KIAA0753: variants seen among roughly 807,000 people sequenced by gnomAD.
KIAA0753 encodes protein moonraker.
A neutral mutation model predicts 116.9 loss-of-function variants in KIAA0753; 114 were observed. The ratio of observed to expected loss-of-function variants is 0.98; its 90% CI spans 0.84 to 1.14. KIAA0753 has a LOEUF of 1.14. KIAA0753 is among the 50% of genes most tolerant of loss of function. The probability of loss-of-function intolerance (pLI) is 0.00; values close to 1 mark genes in which losing one functional copy is unlikely to be tolerated. For missense variants in KIAA0753, 1,156 were observed against 1,172.4 expected (o/e 0.99, Z 0.20); for synonymous variants, 405 against 413.1 (o/e 0.98, Z 0.24).
chr17:6,597,420 C>T (rs765386864), intron 14 of KIAA0753, among the ~76,000 whole-genome samples: 3 of 152,090 alleles, frequency 2.0e-5, no homozygotes, highest in Non-Finnish European at 2.9e-5. Context: ...ACCAAAAATA[C>T]TATGTCCCAT....
intron 16 of KIAA0753, among the ~76,000 whole-genome samples, chr17:6,591,040 G>GGAAGAA (rs71157205): frequency 0.015 from 1,506 of 99,886 alleles, 22 homozygotes; most frequent in Middle Eastern, 0.023. Flanking sequence ...GAAGGAAGAA[G>GGAAGAA]GAAGAAGAAG....
Position 6,624,770 on chromosome 17 carries a change from G to A in KIAA0753, c.810C>T (p.Tyr270=), listed in dbSNP as rs752659088. ...EQAARSARML[Y]VLQQQVKEIQ... The stretch of plus-strand genomic sequence containing the variant: ...CTTTTCACACCTGCTGCTGGAGGAC[G>A]TAGAGCATTCGGGCAGAGCGAGCAG... Residue 270 remains tyrosine, a synonymous_variant, in exon 4 of 19, where the codon TAC becomes TAT. Coordinates refer to ENST00000361413, the MANE Select transcript of KIAA0753 (RefSeq NM_014804.3). The A allele has an allele frequency of 2.4e-5, 37 of 1,558,974 alleles. No homozygotes were observed. The South Asian group carries it at 2.9e-4, about 12-fold the overall frequency.
At position 6,599,249 on chromosome 17, in the gene KIAA0753, C is replaced by T. The variant is rs1297884947; in HGVS notation, c.2160G>A (p.Gln720=). 6.2e-7 allele frequency: 1 copy of T among 1,613,242 alleles called. No homozygotes were observed. Among genetic ancestry groups the T allele is most frequent in the Admixed American group, 1.7e-5 (1 of 60,014 alleles). ...ACACAACGCATACCTCCTGTGCAGG[C>T]TGGGCTTTCGCTGTGTTTACTGACG... ...DGSSVNTAKA[Q]PAQEVAAVDF... The change falls in exon 14 of 19, where the codon CAG becomes CAA. Residue 720 remains glutamine, a synonymous_variant. Transcript: ENST00000361413.
At chr17:6,616,172 G>C (rs535015801) in intron 7 of KIAA0753, among the ~76,000 whole-genome samples, 1 of 152,282 alleles carries the variant, frequency 6.6e-6, no homozygotes, top group South Asian at 2.1e-4. Flanking sequence ...TTTTACTCAA[G>C]GTTCCCAAAG....
intron 3 of KIAA0753, among the ~76,000 whole-genome samples, chr17:6,626,766 A>C (rs1161802081): frequency 6.6e-6 from 1 of 152,254 alleles, no homozygotes; most frequent in African/African-American, 2.4e-5. Flanking sequence ...TATAGTTCAC[A>C]AAGTATTGAC....
chr17:6,630,741 T>A (rs1490139646), intron 2 of KIAA0753, among the ~76,000 whole-genome samples: 1 of 152,114 alleles, frequency 6.6e-6, no homozygotes, highest in Admixed American at 6.6e-5. Context: ...AATGAAGATA[T>A]AAAACAAAAA....
chr17:6,603,747 A>G (rs529871926), intron 12 of KIAA0753, among the ~76,000 whole-genome samples: 1 of 152,352 alleles, frequency 6.6e-6, no homozygotes, highest in Non-Finnish European at 1.5e-5. Context: ...ATAGGCACAG[A>G]CAAAAAATAA....
At position 6,639,059 on chromosome 17, in the gene KIAA0753, C is replaced by T. The variant is rs531064980; in HGVS notation, c.-69+1578G>A. On this transcript the variant is annotated intron_variant, in intron 1 of 18. Transcript: ENST00000361413. This position sits in a 1 kb window ranked among gnomAD's most constrained non-coding sequence, Gnocchi z 4.3. Reference sequence around the variant, plus strand: ...CCACATCTAGTTTCCTCTTCAGCAGCACAGGGCACCCCAACAGAGTATCCT... The same window carrying T: ...CCACATCTAGTTTCCTCTTCAGCAGTACAGGGCACCCCAACAGAGTATCCT... The T allele has an allele frequency of 5.9e-5, 9 of 153,154 alleles. No homozygotes were observed. Among genetic ancestry groups the T allele is most frequent in the African/African-American group, 1.7e-4 (7 of 41,524 alleles). 9.5% of individuals were successfully genotyped at this position (153,154 alleles called of 1,614,324 possible).
intron 7 of KIAA0753, among the ~76,000 whole-genome samples, chr17:6,614,668 A>C (rs1970764169): frequency 6.6e-6 from 1 of 152,262 alleles, no homozygotes; most frequent in African/African-American, 2.4e-5. Flanking sequence ...AGAGAATGGA[A>C]TGAGGAGAAA....
chr17:6,581,198 C>T (rs1231152004), intron 18 of KIAA0753, among the ~76,000 whole-genome samples: 1 of 152,068 alleles, frequency 6.6e-6, no homozygotes, highest in Non-Finnish European at 1.5e-5. Flanking sequence ...GCTCTTTAGT[C>T]TACTGTAATC....
rs755641761 is a variant in KIAA0753, at chr17:6,611,928, T to C, written c.1536A>G (p.Ala512=). The part of the protein sequence containing the change: ...PFRKKDTLAP[A]RQQGLRKAER... Reference sequence around the variant, plus strand: ...AGGAATGATTTCATACTTGCTGTCTTGCTGGCGCCAGAGTATCTTTCTTCC... The same window carrying C: ...AGGAATGATTTCATACTTGCTGTCTCGCTGGCGCCAGAGTATCTTTCTTCC... The change falls in exon 8 of 19, where the codon GCA becomes GCG. Residue 512 remains alanine (A), a synonymous_variant. Transcript: ENST00000361413. 1.4e-5 allele frequency: 22 copies of C among 1,613,198 alleles called. No homozygotes were observed. The highest frequency in any genetic ancestry group is 8.5e-7 in the Non-Finnish European group (1 of 1,179,516).
intron 5 of KIAA0753, 118 bp from the exon 6 acceptor site, chr17:6,623,215 A>C: frequency 9.4e-7 from 1 of 1,066,606 alleles, no homozygotes; most frequent in Non-Finnish European, 1.3e-6. Flanking sequence ...TTCTATTGTG[A>C]AAACTTTTTC....
chr17:6,625,172 T>C (rs1379020172), intron 3 of KIAA0753, among the ~76,000 whole-genome samples: 1 of 152,234 alleles, frequency 6.6e-6, no homozygotes, highest in Non-Finnish European at 1.5e-5. Context: ...ATTCCTTATA[T>C]TGAGCCAAAA....
At chr17:6,631,656 A>G (rs187797618) in intron 2 of KIAA0753, among the ~76,000 whole-genome samples, 20 of 152,322 alleles carry the variant, frequency 1.3e-4, no homozygotes, top group African/African-American at 4.8e-4. Context: ...ACGGGTGTGC[A>G]TTTATGAATG....
At chr17:6,591,973 T>C (rs1249639707) in intron 16 of KIAA0753, among the ~76,000 whole-genome samples, 2 of 152,208 alleles carry the variant, frequency 1.3e-5, no homozygotes, top group Admixed American at 6.5e-5. Context: ...CTCGAACACA[T>C]GGTAGGACAT....
Position 6,608,370 on chromosome 17 carries a change from C to G in KIAA0753, c.1807G>C (p.Ala603Pro). 6.5e-7 allele frequency: 1 copy of G among 1,537,676 alleles called. No homozygotes were observed. The highest frequency in any genetic ancestry group is 1.2e-5 in the South Asian group (1 of 81,310). The change falls in exon 10 of 19, where the codon GCT becomes CCT. Residue 603 changes from alanine to proline, a missense_variant. By Grantham distance (27) the Ala-to-Pro change is conservative. Coordinates refer to ENST00000361413, the MANE Select transcript of KIAA0753 (RefSeq NM_014804.3). ...AACCTGGCTGCTTCATGCTCAACAG[C>G]ACCTGTCAGGTGACTTTCCTCTTGA... ...DPQEESHLTG[A>P]VEHEAARLAW...
chr17:6,580,558 C>T (rs1037717997), intron 18 of KIAA0753, among the ~76,000 whole-genome samples: 22 of 152,112 alleles, frequency 1.4e-4, no homozygotes, highest in African/African-American at 4.6e-4. Context: ...CCTCGTGATC[C>T]GCCTGCCTTG....
intron 18 of KIAA0753, among the ~76,000 whole-genome samples, chr17:6,583,691 C>A (rs1968361965): frequency 6.6e-6 from 1 of 152,126 alleles, no homozygotes; most frequent in South Asian, 2.1e-4. Context: ...TCTAGAATGT[C>A]CATTTGGATT....
chr17:6,603,947 T>C (rs1180176731), intron 12 of KIAA0753, among the ~76,000 whole-genome samples: 1 of 152,166 alleles, frequency 6.6e-6, no homozygotes, highest in East Asian at 1.9e-4. Flanking sequence ...GAGGCCACTA[T>C]ACACCCATCA....
Sources: allele counts gnomAD v4.1 joint callset (sites outside exome capture counted in the v4.1 genomes callset), GRCh38; gene constraint gnomAD v4.1.1; non-coding constraint Gnocchi (gnomAD v3.1); transcripts MANE v1.5; gene names NCBI Gene and HGNC (gene_info 2026-07-23, HGNC 2026-07-21).